LHFPL2: variants seen among roughly 807,000 people sequenced by gnomAD.
The protein encoded by LHFPL2 is LHFPL tetraspan subfamily member 2.
A neutral mutation model predicts 17.5 loss-of-function variants in LHFPL2; 7 were observed. That is an observed-to-expected ratio of 0.40 (90% CI 0.23 to 0.75). LHFPL2 has a LOEUF of 0.75. LHFPL2 is among the 30% of genes least tolerant of loss of function. The pLI, the probability that LHFPL2 is intolerant of heterozygous loss-of-function variation, is 0.37. For synonymous variants in LHFPL2, 134 were observed against 116.2 expected, an observed-to-expected ratio of 1.15 and a Z score of -0.99; for missense variants, 241 against 294.8, an observed-to-expected ratio of 0.82 and a Z score of 1.34.
At chr5:78,512,663 C>T (rs1755167866) in intron 3 of LHFPL2, among the ~76,000 whole-genome samples, 1 of 151,986 alleles carries the variant, frequency 6.6e-6, no homozygotes, top group South Asian at 2.1e-4. Context: ...CAAGCCCAGC[C>T]TGTTGAGAGC....
chr5:78,517,265 C>T (rs1431657370), intron 3 of LHFPL2, among the ~76,000 whole-genome samples: 1 of 152,220 alleles, frequency 6.6e-6, no homozygotes, highest in Admixed American at 6.5e-5. Flanking sequence ...CATGGGATCC[C>T]CCACTGAGCT....
chr5:78,540,373 G>GA (rs1356826460), intron 3 of LHFPL2, among the ~76,000 whole-genome samples: 1 of 152,312 alleles, frequency 6.6e-6, no homozygotes, highest in Non-Finnish European at 1.5e-5. Flanking sequence ...AAAACTGATG[G>GA]AAAAAACATG....
At chr5:78,511,546 T>A (rs1755124764) in intron 3 of LHFPL2, among the ~76,000 whole-genome samples, 1 of 152,204 alleles carries the variant, frequency 6.6e-6, no homozygotes, top group African/African-American at 2.4e-5. Context: ...TAGATCTCAT[T>A]AACCGAGGTC....
intron 2 of LHFPL2, among the ~76,000 whole-genome samples, chr5:78,580,636 G>C (rs1002576979): frequency 6.6e-6 from 1 of 151,880 alleles, no homozygotes; most frequent in Non-Finnish European, 1.5e-5. Flanking sequence ...TCTCAGGTTT[G>C]TCAAAGATCA....
At chr5:78,549,828 C>A (rs1342768774) in intron 3 of LHFPL2, among the ~76,000 whole-genome samples, 1 of 152,208 alleles carries the variant, frequency 6.6e-6, no homozygotes, top group East Asian at 1.9e-4. Context: ...GGAAGTAGCA[C>A]ACAATATGGT....
chr5:78,584,937 C>T (rs1022479002), intron 2 of LHFPL2, among the ~76,000 whole-genome samples: 1 of 150,532 alleles, frequency 6.6e-6, no homozygotes, highest in Non-Finnish European at 1.5e-5. Context: ...ATCAACGAGA[C>T]TCCGTGGGCG....
chr5:78,519,062 C>A (rs1353257645), intron 3 of LHFPL2, among the ~76,000 whole-genome samples: 3 of 152,122 alleles, frequency 2.0e-5, no homozygotes. Flanking sequence ...CCATTCTATG[C>A]CCAGTGCTAT....
chr5:78,582,588 G>T (rs1388276774), intron 2 of LHFPL2, among the ~76,000 whole-genome samples: 2 of 151,524 alleles, frequency 1.3e-5, no homozygotes, highest in East Asian at 1.9e-4. Context: ...CCATGTAGTT[G>T]AGCGGTTTTG....
chr5:78,548,776 G>A (rs988885842), intron 3 of LHFPL2, among the ~76,000 whole-genome samples: 20 of 152,144 alleles, frequency 1.3e-4, no homozygotes, highest in Admixed American at 1.2e-3. Context: ...CATTTTCTGT[G>A]CTGTTCCTCA....
At chr5:78,501,244 A>T (rs1368693893) in intron 4 of LHFPL2, among the ~76,000 whole-genome samples, 1 of 152,230 alleles carries the variant, frequency 6.6e-6, no homozygotes, top group Admixed American at 6.5e-5. Flanking sequence ...ATATTTTAAT[A>T]CAAGAAGGGT....
intron 3 of LHFPL2, among the ~76,000 whole-genome samples, chr5:78,558,420 A>G (rs1015737053): frequency 3.9e-5 from 6 of 152,262 alleles, no homozygotes; most frequent in East Asian, 1.9e-4. Context: ...AGATGGAATG[A>G]CAACAGGAGT....
chr5:78,597,865 G>A (rs1743881367), intron 2 of LHFPL2, among the ~76,000 whole-genome samples: 1 of 152,126 alleles, frequency 6.6e-6, no homozygotes, highest in Non-Finnish European at 1.5e-5. Context: ...TGGTATCACT[G>A]GGCAAGCTTG....
chr5:78,491,044 C>T (rs1754428436), intron 4 of LHFPL2: 1 of 152,160 alleles, frequency 6.6e-6, no homozygotes, highest in Non-Finnish European at 1.5e-5. Flanking sequence ...CAGTATGAGG[C>T]GTGAAGGAAG....
chr5:78,511,419 C>A (rs1429520892), intron 3 of LHFPL2, among the ~76,000 whole-genome samples: 1 of 152,222 alleles, frequency 6.6e-6, no homozygotes, highest in Non-Finnish European at 1.5e-5. Context: ...TCAGAGGAGT[C>A]TGGACCCTGA....
chr5:78,493,415 C>A (rs1580741170), intron 4 of LHFPL2, among the ~76,000 whole-genome samples: 1 of 152,222 alleles, frequency 6.6e-6, no homozygotes, highest in South Asian at 2.1e-4. Context: ...TGTTTACCTA[C>A]AAGAATTGTC....
chr5:78,542,576 C>A (rs753691275), intron 3 of LHFPL2, among the ~76,000 whole-genome samples: 5 of 152,144 alleles, frequency 3.3e-5, no homozygotes, highest in Non-Finnish European at 5.9e-5. Flanking sequence ...CGTGCTCATG[C>A]CACCTCTTCC....
chr5:78,551,171 T>G (rs759505554), intron 3 of LHFPL2, among the ~76,000 whole-genome samples: 15 of 152,148 alleles, frequency 9.9e-5, no homozygotes, highest in Non-Finnish European at 1.9e-4. Context: ...GGAATAAAAG[T>G]GAATCTAGAG....
chr5:78,602,708 C>T (rs2112475058), intron 2 of LHFPL2, among the ~76,000 whole-genome samples: 1 of 152,260 alleles, frequency 6.6e-6, no homozygotes, highest in South Asian at 2.1e-4. Context: ...GGGGAAACAA[C>T]CTGCCAATGC....
chr5:78,642,838 T>C (rs560454960), intron 1 of LHFPL2, among the ~76,000 whole-genome samples: 1 of 152,154 alleles, frequency 6.6e-6, no homozygotes, highest in African/African-American at 2.4e-5. Flanking sequence ...CCATGACCCA[T>C]AACAGTCAAA....
Sources: allele counts gnomAD v4.1 joint callset (sites outside exome capture counted in the v4.1 genomes callset), GRCh38; gene constraint gnomAD v4.1.1; transcripts MANE v1.5; gene names NCBI Gene and HGNC (gene_info 2026-07-23, HGNC 2026-07-21).